CD36: variants seen among roughly 807,000 people sequenced by gnomAD.
CD36 encodes CD36 molecule (CD36 blood group), also known as platelet glycoprotein 4.
A neutral mutation model predicts 55.2 loss-of-function variants in CD36; 119 were observed. That is an observed-to-expected ratio of 2.15 (90% CI 1.86 to 2.51). CD36 has a LOEUF of 2.51. Among genes scored for constraint, CD36 ranks in the 30% most tolerant of loss-of-function variants. CD36 has a pLI of 0.00. For missense variants in CD36, 819 were observed against 555.5 expected (o/e 1.47, Z -4.77); for synonymous variants, 186 against 193.6 (o/e 0.96, Z 0.33).
At chr7:80,619,491 A>T (rs1793336816) in intron 1 of CD36, among the ~76,000 whole-genome samples, 1 of 151,990 alleles carries the variant, frequency 6.6e-6, no homozygotes, top group African/African-American at 2.4e-5. Flanking sequence ...TACTAAAAAC[A>T]CAAAAATTAG....
intron 4 of CD36, among the ~76,000 whole-genome samples, chr7:80,660,659 C>T (rs1341652419): frequency 6.6e-6 from 1 of 152,176 alleles, no homozygotes; most frequent in African/African-American, 2.4e-5. Context: ...ATATTATGTT[C>T]GTTCTTATGC....
Position 80,628,703 on chromosome 7 carries a change from A to T in CD36, c.-183-17385A>T, listed in dbSNP as rs12536106. Among the ~76,000 whole-genome samples, 1,183 of 152,120 alleles carry T rather than the reference A, an allele frequency of 7.8e-3. 54 individuals are homozygous for T. The East Asian group carries it at 0.1, about 13-fold the overall frequency. ...TGTGAACCCCAAATACCTAAGACAGATCCCAGTTAATTTAATCCCATCTAC... is the reference window on the plus strand; with the variant it reads ...TGTGAACCCCAAATACCTAAGACAGTTCCCAGTTAATTTAATCCCATCTAC... On this transcript the variant is annotated intron_variant, in intron 1 of 13. Coordinates refer to the CD36 transcript ENST00000309881.
At chr7:80,611,271 G>A (rs916889029) in intron 1 of CD36, among the ~76,000 whole-genome samples, 4 of 152,168 alleles carry the variant, frequency 2.6e-5, no homozygotes, top group Non-Finnish European at 5.9e-5. Flanking sequence ...CATGTTTCTT[G>A]TCTCAGCCTG....
chr7:80,658,208 A>G (rs1233224065), intron 4 of CD36, among the ~76,000 whole-genome samples: 1 of 152,328 alleles, frequency 6.6e-6, no homozygotes, highest in East Asian at 1.9e-4. Flanking sequence ...TAAAGTTTTT[A>G]TATTATTAGC....
intron 7 of CD36, 51 bp from the exon 8 acceptor site, chr7:80,666,392 A>C (rs748757724): frequency 8.5e-7 from 1 of 1,172,668 alleles, no homozygotes; most frequent in Non-Finnish European, 1.3e-6. Flanking sequence ...TAATGTAAGA[A>C]AGGTATTCTT....
At chr7:80,627,614 A>T (rs1308504523) in intron 1 of CD36, among the ~76,000 whole-genome samples, 2 of 152,030 alleles carry the variant, frequency 1.3e-5, no homozygotes, top group African/African-American at 4.8e-5. Flanking sequence ...ATGTAAAAAA[A>T]AATTAGGTGG....
At chr7:80,673,604 C>A in intron 13 of CD36, 195 bp downstream of exon 13, 1 of 569,586 alleles carries the variant, frequency 1.8e-6, no homozygotes, top group Non-Finnish European at 3.1e-6. Context: ...AGATTTTCTT[C>A]AAAAATGCAT....
chr7:80,615,926 A>C (rs1247953468), intron 1 of CD36, among the ~76,000 whole-genome samples: 8 of 152,142 alleles, frequency 5.3e-5, no homozygotes, highest in Non-Finnish European at 7.4e-5. Context: ...TGTTTTTAGG[A>C]AGGATAGAAG....
chr7:80,619,653 G>GA (rs34516458), intron 1 of CD36, among the ~76,000 whole-genome samples: 107,711 of 125,966 alleles, frequency 0.86, 45,923 homozygotes, highest in East Asian at 0.96. Flanking sequence ...TCTCAAAACA[G>GA]AAAAAAAAAA....
In CD36 at chr7:80,666,489, G is replaced by C. The variant is rs767453540; in HGVS notation, c.748G>C (p.Asp250His). Reference protein sequence around the residue: ...ESHCDMINGTDAASFPPFVEK... With the variant: ...ESHCDMINGTHAASFPPFVEK... Reference sequence around the variant, plus strand: ...TCACTGCGACATGATTAATGGTACAGGTAAGAATATTTGTTTTGTGGTCAT... The same window carrying C: ...TCACTGCGACATGATTAATGGTACACGTAAGAATATTTGTTTTGTGGTCAT... The change falls in exon 8 of 15, where the codon GAT becomes CAT. Residue 250 changes from aspartate (D) to histidine (H), a missense_variant and splice_region_variant. Asp to His is a moderately conservative substitution (Grantham distance 81). Coordinates refer to ENST00000447544, the MANE Select transcript of CD36 (RefSeq NM_001001548.3). 4 of 1,605,464 alleles carry C rather than the reference G, an allele frequency of 2.5e-6. No individual in the cohort carries two copies. Among genetic ancestry groups the C allele is most frequent in the Non-Finnish European group, 3.4e-6 (4 of 1,172,672 alleles).
chr7:80,635,951 C>T (rs1794369599), upstream of CD36, among the ~76,000 whole-genome samples: 1 of 152,060 alleles, frequency 6.6e-6, no homozygotes, highest in African/African-American at 2.4e-5. Context: ...TATAGGGGTT[C>T]AGTGGTGAAT....
At chr7:80,665,480 TAA>T (rs1247759708) in intron 7 of CD36, among the ~76,000 whole-genome samples, 2 of 110,402 alleles carry the variant, frequency 1.8e-5, no homozygotes. Context: ...CTTTTTCTTC[TAA>T]AGAGTCCACA....
At position 80,667,747 on chromosome 7, in the gene CD36, G is replaced by GTTTTTTTTTTTTTTTTTTTT. The variant is rs1165767460; in HGVS notation, c.748+1260_748+1279dup. On this transcript the variant is annotated intron_variant, in intron 8 of 14. Coordinates refer to ENST00000447544, the MANE Select transcript of CD36 (RefSeq NM_001001548.3). ...GTTGGATTTGCAGGGGTTTTCTTTT[G>GTTTTTTTTTTTTTTTTTTTT]TTTTTTTTTTTTTTTTTTTTTGAGA... is the stretch of plus-strand genomic sequence containing the variant. Among the ~76,000 whole-genome samples, 11 of 82,634 alleles carry GTTTTTTTTTTTTTTTTTTTT rather than the reference G, an allele frequency of 1.3e-4. 1 individual carries two copies. The highest frequency in any genetic ancestry group is 3.3e-4 in the African/African-American group (8 of 24,114). 54.2% of individuals were successfully genotyped at this position (82,634 alleles called of 152,430 possible).
At chr7:80,606,360 T>G (rs774978017) in intron 1 of CD36, among the ~76,000 whole-genome samples, 28 of 152,160 alleles carry the variant, frequency 1.8e-4, no homozygotes, top group Non-Finnish European at 3.4e-4. Flanking sequence ...TGGCTGGGTT[T>G]GTTTATTTTT....
intron 1 of CD36, among the ~76,000 whole-genome samples, chr7:80,639,208 T>C (rs1794647200): frequency 6.6e-6 from 1 of 151,924 alleles, no homozygotes; most frequent in South Asian, 2.1e-4. Flanking sequence ...AGTCATTAGC[T>C]TGTTTAATTT....
At chr7:80,654,767 T>C (rs146280402) in intron 3 of CD36, among the ~76,000 whole-genome samples, 165 of 152,202 alleles carry the variant, frequency 1.1e-3, no homozygotes, top group Admixed American at 3.6e-3. Flanking sequence ...TTTAACTTGG[T>C]GCCCAGTTCT....
intron 13 of CD36, 50 bp from the exon 14 acceptor site, chr7:80,673,933 T>A (rs1331758212): frequency 4.9e-6 from 7 of 1,434,486 alleles, no homozygotes; most frequent in Non-Finnish European, 6.9e-6. Flanking sequence ...AAGGGTTTAT[T>A]TTGTTTTACT....
At chr7:80,610,085 A>G (rs1025950623) in intron 1 of CD36, among the ~76,000 whole-genome samples, 1 of 152,232 alleles carries the variant, frequency 6.6e-6, no homozygotes, top group African/African-American at 2.4e-5. Flanking sequence ...GAGAAGTATT[A>G]TCCAAAAGCA....
Position 80,662,509 on chromosome 7 carries a change from A to G in CD36, c.430-481A>G, listed in dbSNP as rs558932733. ...GTTAGACGTGGAACCTGCCGTTGTGATGAACACGCCTGCAACAATTGTCTG... is the reference window on the plus strand; with the variant it reads ...GTTAGACGTGGAACCTGCCGTTGTGGTGAACACGCCTGCAACAATTGTCTG... On this transcript the variant is annotated intron_variant, in intron 5 of 14. Coordinates refer to ENST00000447544, the MANE Select transcript of CD36 (RefSeq NM_001001548.3). The G allele has an allele frequency of 1.1e-5, 3 of 276,952 alleles. No homozygotes were observed. In the East Asian group the frequency reaches 2.8e-4, roughly 26 times the overall value. 17.2% of individuals were successfully genotyped at this position (276,952 alleles called of 1,614,324 possible). A position where few individuals can be genotyped will look rare whatever the true frequency, so the allele number is the denominator to read the frequency against.
Sources: allele counts gnomAD v4.1 joint callset (sites outside exome capture counted in the v4.1 genomes callset), GRCh38; gene constraint gnomAD v4.1.1; transcripts MANE v1.5; gene names NCBI Gene and HGNC (gene_info 2026-07-23, HGNC 2026-07-21).